ITK: variants seen among roughly 807,000 people sequenced by gnomAD.
ITK encodes the protein IL2 inducible T cell kinase.
Under a neutral mutation model 87.6 loss-of-function variants are expected in ITK, and 45 were observed. That is an observed-to-expected ratio of 0.51 (90% CI 0.40 to 0.66). ITK has a LOEUF of 0.66. Among genes scored for constraint, ITK ranks in the 30% least tolerant of loss-of-function variants. ITK has a pLI of 0.00. For missense variants in ITK, 605 were observed against 766.3 expected (o/e 0.79, Z 2.48); for synonymous variants, 303 against 273.6 (o/e 1.11, Z -1.06).
At chr5:157,214,828 T>A (rs1016908318) in intron 4 of ITK, among the ~76,000 whole-genome samples, 2 of 152,076 alleles carry the variant, frequency 1.3e-5, no homozygotes, top group Non-Finnish European at 2.9e-5. Flanking sequence ...GTGAGAGGAA[T>A]TTTTTTTCTT....
At chr5:157,213,862 C>A (rs1386627935) in intron 3 of ITK, among the ~76,000 whole-genome samples, 1 of 152,108 alleles carries the variant, frequency 6.6e-6, no homozygotes, top group Non-Finnish European at 1.5e-5. Flanking sequence ...CCTTAAGGCA[C>A]CTTTGTAGAG....
At chr5:157,213,971 G>C (rs35659399) in intron 3 of ITK, among the ~76,000 whole-genome samples, 4,419 of 152,284 alleles carry the variant, frequency 0.029, 66 homozygotes, top group African/African-American at 0.047. Context: ...GGCAGAGCCA[G>C]ACGCAAGCCT....
intron 1 of ITK, among the ~76,000 whole-genome samples, chr5:157,194,580 A>T (rs1044647192): frequency 6.6e-6 from 1 of 152,166 alleles, no homozygotes; most frequent in East Asian, 1.9e-4. Flanking sequence ...ACCCTTTTCC[A>T]CAATCCATGC....
Position 157,254,006 on chromosome 5 carries a change from C to T in ITK, c.*1328C>T. 4.4e-6 allele frequency: 1 copy of T among 225,450 alleles called. No individual in the cohort carries two copies. The highest frequency in any genetic ancestry group is 8.8e-6 in the Non-Finnish European group (1 of 113,140). 14.0% of individuals were successfully genotyped at this position (225,450 alleles called of 1,614,324 possible). ...TAATGTAACTGAGGCTTTAAAAAGC[C>T]AAGACATCTGCCCAAAGTGATGGAA... On this transcript the variant is annotated 3_prime_UTR_variant, in exon 17 of 17. Transcript: ENST00000422843.
chr5:157,232,248 A>G (rs1754672092), intron 7 of ITK, 92 bp from the exon 8 acceptor site: 1 of 907,436 alleles, frequency 1.1e-6, no homozygotes, highest in South Asian at 1.4e-5. Context: ...AGAAATAGAA[A>G]ATGACCATAT....
chr5:157,239,107 C>T (rs970044312), intron 9 of ITK, among the ~76,000 whole-genome samples: 1 of 152,034 alleles, frequency 6.6e-6, no homozygotes, highest in African/African-American at 2.4e-5. Context: ...GACCTGCAAC[C>T]CCACAGGTAT....
At chr5:157,230,379 C>A (rs1172392198) in intron 7 of ITK, among the ~76,000 whole-genome samples, 1 of 151,848 alleles carries the variant, frequency 6.6e-6, no homozygotes. Context: ...TATAAGATAC[C>A]AGGCCTAAAG....
At chr5:157,220,982 C>T (rs969996252) in intron 5 of ITK, among the ~76,000 whole-genome samples, 11 of 152,134 alleles carry the variant, frequency 7.2e-5, no homozygotes, top group Non-Finnish European at 5.9e-5. Context: ...CCTCAGCCTC[C>T]GCAGTTGCTG....
chr5:157,245,295 C>A, intron 13 of ITK: 1 of 304,838 alleles, frequency 3.3e-6, no homozygotes, highest in Non-Finnish European at 6.4e-6. Flanking sequence ...ATGCAACAGT[C>A]TATAATACTA....
At chr5:157,214,602 C>G (rs1452634753) in intron 4 of ITK, among the ~76,000 whole-genome samples, 1 of 152,006 alleles carries the variant, frequency 6.6e-6, no homozygotes, top group Non-Finnish European at 1.5e-5. Context: ...CACTCATGAC[C>G]TACTAGATCA....
intron 16 of ITK, among the ~76,000 whole-genome samples, chr5:157,251,384 A>AT (rs1755136346): frequency 1.3e-5 from 2 of 152,166 alleles, no homozygotes; most frequent in African/African-American, 2.4e-5. Flanking sequence ...AGTTCTTTGT[A>AT]TATTTTGGAT....
chr5:157,221,916 C>T (rs1237735765), intron 5 of ITK, among the ~76,000 whole-genome samples: 3 of 151,824 alleles, frequency 2.0e-5, no homozygotes, highest in Admixed American at 1.3e-4. Flanking sequence ...TTTGGGAGGC[C>T]GAGGCAGGAG....
intron 8 of ITK, among the ~76,000 whole-genome samples, chr5:157,233,566 CAG>C (rs1027476375): frequency 1.3e-5 from 2 of 152,126 alleles, no homozygotes; most frequent in African/African-American, 2.4e-5. Context: ...TCCACAGAAT[CAG>C]AGTCTCTAGT....
chr5:157,243,654 T>G lies in ITK; in HGVS notation c.1092T>G (p.Thr364=), dbSNP rs1754959318. The change falls in exon 12 of 17, where the codon ACT becomes ACG. Residue 364 remains threonine (T), a synonymous_variant. Transcript: ENST00000422843. Reference sequence around the variant, plus strand: ...GGGTGATCGACCCCTCAGAGCTCACTTTTGTGCAAGAGATTGGCAGTGGGC... The same window carrying G: ...GGGTGATCGACCCCTCAGAGCTCACGTTTGTGCAAGAGATTGGCAGTGGGC... ...GKWVIDPSEL[T]FVQEIGSGQF... The G allele has an allele frequency of 1.9e-6, 3 of 1,613,228 alleles. No individual in the cohort carries two copies. Among genetic ancestry groups the G allele is most frequent in the Admixed American group, 1.7e-5 (1 of 59,982 alleles).
At chr5:157,234,118 T>A (rs1245521211) in intron 8 of ITK, among the ~76,000 whole-genome samples, 1 of 150,906 alleles carries the variant, frequency 6.6e-6, no homozygotes, top group Non-Finnish European at 1.5e-5. Flanking sequence ...GTAGCTGGGA[T>A]TACAGGCATG....
At chr5:157,243,349 A>G (rs1754952619) in intron 11 of ITK, among the ~76,000 whole-genome samples, 1 of 152,230 alleles carries the variant, frequency 6.6e-6, no homozygotes, top group African/African-American at 2.4e-5. Context: ...GGGACATTGC[A>G]AGAACCCTTT....
intron 16 of ITK, among the ~76,000 whole-genome samples, chr5:157,249,527 A>G (rs1755099330): frequency 6.6e-6 from 1 of 152,218 alleles, no homozygotes; most frequent in African/African-American, 2.4e-5. Context: ...CCCCATCACT[A>G]TGAGTCTTAG....
chr5:157,181,033 G>A lies in ITK; in HGVS notation c.56G>A (p.Arg19Lys), dbSNP rs1753502279. Residue 19 changes from arginine to lysine, a missense_variant, in exon 1 of 17, where the codon AGA becomes AAA. By Grantham distance (26) the Arg-to-Lys change is conservative. Transcript: ENST00000422843. ...CTCATCAAGAAATCCCAACAAAAGA[G>A]AAGAACTTCTCCCTCGAACTTTAAA... The part of the protein sequence containing the change: ...EQLIKKSQQK[R>K]RTSPSNFKVR... 1 of 1,613,882 alleles carries A rather than the reference G, an allele frequency of 6.2e-7. No homozygotes were observed. The highest frequency in any genetic ancestry group is 1.3e-5 in the African/African-American group (1 of 74,924).
chr5:157,209,376 C>T (rs181432429), intron 2 of ITK, among the ~76,000 whole-genome samples: 5 of 151,624 alleles, frequency 3.3e-5, no homozygotes, highest in East Asian at 3.9e-4. Flanking sequence ...AGGGTGGACA[C>T]GGATGACTCT....
Sources: gnomAD v4.1 joint callset for allele counts (sites outside exome capture counted in the v4.1 genomes callset) on GRCh38, gnomAD v4.1.1 for gene constraint, MANE v1.5 for transcripts, NCBI Gene and HGNC (gene_info 2026-07-23, HGNC 2026-07-21) for gene names.